Variants in HINT2 observed in about 807,000 individuals in gnomAD.
The protein encoded by HINT2 is adenosine 5'-monophosphoramidase HINT2.
In HINT2, 17 loss-of-function variants were observed where a neutral mutation model predicts 20.0. The ratio of observed to expected loss-of-function variants is 0.85; its 90% confidence interval spans 0.58 to 1.27. HINT2 has a LOEUF of 1.27. HINT2 is among the 50% of genes most tolerant of loss of function. HINT2 has a pLI of 0.00. For missense variants in HINT2, 217 were observed against 211.9 expected (o/e 1.02, Z -0.15); for synonymous variants, 96 against 84.2 (o/e 1.14, Z -0.77).
In HINT2 at chr9:35,814,786, G is replaced by C. The variant is rs1828975420; in HGVS notation, c.81+113C>G. 1.2e-5 allele frequency: 11 copies of C among 908,174 alleles called. No homozygotes were observed. In the South Asian group the frequency reaches 1.5e-4, roughly 13 times the overall value. 56.3% of individuals were successfully genotyped at this position (908,174 alleles called of 1,614,324 possible). ...GCCCCGGAGCTTGTGCCTCGGAGGGGCAGAGGCCACAGGCAGGAGCTCTGC... is the reference window on the plus strand; with the variant it reads ...GCCCCGGAGCTTGTGCCTCGGAGGGCCAGAGGCCACAGGCAGGAGCTCTGC... On this transcript the variant is annotated intron_variant, in intron 1 of 4. Transcript: ENST00000259667.
Position 35,815,001 on chromosome 9 carries a change from T to C in HINT2, c.-22A>G. ...CCATCTTCCCTGAGCCGCGGGAACC[T>C]CTCACCCGGGTCAGCACTCGGCTCC... is the stretch of plus-strand genomic sequence containing the variant. On this transcript the variant is annotated 5_prime_UTR_variant, in exon 1 of 5. Transcript: ENST00000259667. 2 of 1,439,830 alleles carry C rather than the reference T, an allele frequency of 1.4e-6. No individual in the cohort carries two copies. Among genetic ancestry groups the C allele is most frequent in the Non-Finnish European group, 1.8e-6 (2 of 1,103,022 alleles). The allele number at this position is 1,439,830 out of a possible 1,614,324, so 89.2% of individuals were successfully genotyped here. A position where few individuals can be genotyped will look rare whatever the true frequency, so the allele number is the denominator to read the frequency against.
chr9:35,815,358 A>C, upstream of HINT2: 1 of 184,454 alleles, frequency 5.4e-6, no homozygotes, highest in Non-Finnish European at 1.1e-5. Flanking sequence ...CTGATACACA[A>C]CTCTGGCTTC....
chr9:35,813,653 C>T lies in HINT2; in HGVS notation c.213G>A (p.Glu71=). 6.2e-7 allele frequency: 1 copy of T among 1,614,188 alleles called. No homozygotes were observed. Among genetic ancestry groups the T allele is most frequent in the Non-Finnish European group, 8.5e-7 (1 of 1,180,028 alleles). Residue 71 remains glutamate, a synonymous_variant, in exon 2 of 5, where the codon GAG becomes GAA. Coordinates refer to ENST00000259667, the MANE Select transcript of HINT2 (RefSeq NM_032593.3). ...DKSLPADILY[E]DQQCLVFRDV... ...CCTAAGAGCACCCCACCTGCTGGTC[C>T]TCATAGAGAATGTCAGCTGGGAGGC...
chr9:35,813,081 G>A lies in HINT2; in HGVS notation c.465C>T (p.Gly155=), dbSNP rs750795366. ...AACCTGGAGGCCACTGGAGCTGCCG[G>A]CCCCCAAGTACATGAATGTGCAGAT... The part of the protein sequence containing the change: ...VYHLHIHVLG[G]RQLQWPPG Residue 155 remains glycine (G), a synonymous_variant, in exon 5 of 5, where the codon GGC becomes GGT. Transcript: ENST00000259667. 2 of 1,614,158 alleles carry A rather than the reference G, an allele frequency of 1.2e-6. No homozygotes were observed. The highest frequency in any genetic ancestry group is 2.2e-5 in the East Asian group (1 of 44,894).
At position 35,815,016 on chromosome 9, in the gene HINT2, C is replaced by A. The variant is rs774516417; in HGVS notation, c.-37G>T. 4 of 1,385,442 alleles carry A rather than the reference C, an allele frequency of 2.9e-6. No individual in the cohort carries two copies. The East Asian group carries it at 9.3e-5, about 32-fold the overall frequency. The allele number at this position is 1,385,442 out of a possible 1,614,324, so 85.8% of individuals were successfully genotyped here. ...CGCGGGAACCTCTCACCCGGGTCAG[C>A]ACTCGGCTCCGCGGCCGGCCGTGGG... is the stretch of plus-strand genomic sequence containing the variant. On this transcript the variant is annotated 5_prime_UTR_variant, in exon 1 of 5. Transcript: ENST00000259667.
Position 35,813,342 on chromosome 9 carries a change from T to G in HINT2, c.328-4A>C, listed in dbSNP as rs1416508165. The G allele has an allele frequency of 6.2e-7, 1 of 1,613,676 alleles. No individual in the cohort carries two copies. The highest frequency in any genetic ancestry group is 1.1e-5 in the South Asian group (1 of 91,072). ...CAAGGAGTAGGTGTCCTAGAAGCTA[T>G]AGAGAGAGCGGAGGGACATAGGTGG... On this transcript the variant is annotated splice_region_variant and splice_polypyrimidine_tract_variant and intron_variant, in intron 3 of 4. Transcript: ENST00000259667.
Position 35,813,039 on chromosome 9 carries a change from A to G in HINT2, c.*15T>C. On this transcript the variant is annotated 3_prime_UTR_variant, in exon 5 of 5. Transcript: ENST00000259667. Reference sequence around the variant, plus strand: ...AAGCATCCAGAGTCTGGTGTCCTTTAATCAGTTGGCAGGTTCAACCTGGAG... The same window carrying G: ...AAGCATCCAGAGTCTGGTGTCCTTTGATCAGTTGGCAGGTTCAACCTGGAG... The G allele has an allele frequency of 6.2e-7, 1 of 1,603,380 alleles. No individual in the cohort carries two copies. Among genetic ancestry groups the G allele is most frequent in the Non-Finnish European group, 8.5e-7 (1 of 1,170,270 alleles).
Position 35,813,308 on chromosome 9 carries a change from G to C in HINT2, c.358C>G (p.Gln120Glu). 1 of 1,614,132 alleles carries C rather than the reference G, an allele frequency of 6.2e-7. No homozygotes were observed. The highest frequency in any genetic ancestry group is 8.5e-7 in the Non-Finnish European group (1 of 1,180,012). Residue 120 changes from glutamine (Q) to glutamate (E), a missense_variant, in exon 4 of 5, where the codon CAG (glutamine) becomes GAG (glutamate). Physicochemically the swap from Gln to Glu is conservative, Grantham distance 29 (BLOSUM62 2). Coordinates refer to ENST00000259667, the MANE Select transcript of HINT2 (RefSeq NM_032593.3). ...LLGHLLLVAK[Q>E]TAKAEGLGDG... ...CCCAGGCCCTCAGCCTTTGCTGTCT[G>C]CTTGGCCACAAGGAGTAGGTGTCCT...
rs1459252226 is a variant in HINT2 at position 35,814,883 on chromosome 9, C to T, written c.81+16G>A. ...AGCCCGCAGGACCCCCTACTCGCTC[C>T]CGCGCCACTTCTCACCTGCCCCCCG... On this transcript the variant is annotated intron_variant, in intron 1 of 4. Transcript: ENST00000259667. 3.4e-6 allele frequency: 5 copies of T among 1,489,248 alleles called. No homozygotes were observed. In the Admixed American group the frequency reaches 9.0e-5, roughly 27 times the overall value. 92.3% of individuals were successfully genotyped at this position (1,489,248 alleles called of 1,614,324 possible).
upstream of HINT2, chr9:35,815,092 G>T: frequency 2.0e-6 from 2 of 988,000 alleles, no homozygotes; most frequent in Non-Finnish European, 2.7e-6. Flanking sequence ...GGCGAGCCCT[G>T]CTACCCCATT....
chr9:35,813,163 G>GT lies in HINT2; in HGVS notation c.401-19dup, dbSNP rs1564001344. 6.2e-7 allele frequency: 1 copy of GT among 1,613,922 alleles called. No homozygotes were observed. Among genetic ancestry groups the GT allele is most frequent in the South Asian group, 1.1e-5 (1 of 91,084 alleles). ...GTTGATCACTGAAATTGAGCTTGGG[G>GT]TTAGGGAGTCAGGATCATGGCAGAG... On this transcript the variant is annotated intron_variant, in intron 4 of 4. Coordinates refer to ENST00000259667, the MANE Select transcript of HINT2 (RefSeq NM_032593.3).
chr9:35,814,800 C>CAGGA, intron 1 of HINT2, 99 bp downstream of exon 1: 1 of 1,066,338 alleles, frequency 9.4e-7, no homozygotes, highest in Admixed American at 3.6e-5. Flanking sequence ...AGGCCACAGG[C>CAGGA]AGGAGCTCTG....
rs762355788 is a variant in HINT2 at position 35,813,638 on chromosome 9, C to T, written c.222+6G>A. The T allele has an allele frequency of 4.3e-6, 7 of 1,613,968 alleles. No individual in the cohort carries two copies. Among genetic ancestry groups the T allele is most frequent in the South Asian group, 1.1e-5 (1 of 91,084 alleles). On this transcript the variant is annotated splice_donor_region_variant and intron_variant, in intron 2 of 4. Transcript: ENST00000259667. ...CCTAAGGGGATAGGTCCTAAGAGCA[C>T]CCCACCTGCTGGTCCTCATAGAGAA...
intron 1 of HINT2, chr9:35,814,698 T>G (rs989827340): frequency 1.9e-6 from 1 of 526,364 alleles, no homozygotes; most frequent in Non-Finnish European, 3.2e-6. Context: ...CGCCCCGGCC[T>G]GCGCAGGGCG....
In HINT2 at chr9:35,813,659, G is replaced by C. The variant is rs1258096907; in HGVS notation, c.207C>G (p.Leu69=). ...ILDKSLPADI[L]YEDQQCLVFR... ...AGCACCCCACCTGCTGGTCCTCATA[G>C]AGAATGTCAGCTGGGAGGCTCTTGT... Residue 69 remains leucine (L), a synonymous_variant, in exon 2 of 5, where the codon CTC becomes CTG. Coordinates refer to ENST00000259667, the MANE Select transcript of HINT2 (RefSeq NM_032593.3). The C allele has an allele frequency of 5.6e-6, 9 of 1,614,220 alleles. No homozygotes were observed. The highest frequency in any genetic ancestry group is 7.6e-6 in the Non-Finnish European group (9 of 1,180,038).
In HINT2 at chr9:35,814,909, C is replaced by T; in HGVS notation, c.71G>A (p.Arg24His). The change falls in exon 1 of 5, where the codon CGC (arginine) becomes CAC (histidine). Residue 24 changes from arginine to histidine, a missense_variant. Transcript: ENST00000259667. The stretch of plus-strand genomic sequence containing the variant: ...CGCGCCACTTCTCACCTGCCCCCCG[C>T]GCACCCCCGTGGCCGCCACGGCTCT... ...ARRAVAATGV[R>H]GGQVRGAAGV... is the part of the protein sequence containing the mutation. The T allele has an allele frequency of 1.3e-6, 2 of 1,487,820 alleles. No individual in the cohort carries two copies. The allele number at this position is 1,487,820 out of a possible 1,614,324, so 92.2% of individuals were successfully genotyped here.
Position 35,814,916 on chromosome 9 carries a change from C to G in HINT2, c.64G>C (p.Gly22Arg). ...CTTCTCACCTGCCCCCCGCGCACCC[C>G]CGTGGCCGCCACGGCTCTGCGCGCC... is the stretch of plus-strand genomic sequence containing the variant. ...RAARRAVAAT[G>R]VRGGQVRGAA... The change falls in exon 1 of 5, where the codon GGG (glycine) becomes CGG (arginine). Residue 22 changes from glycine (G) to arginine (R), a missense_variant. Physicochemically the swap from Gly to Arg is moderately radical, Grantham distance 125. Coordinates refer to ENST00000259667, the MANE Select transcript of HINT2 (RefSeq NM_032593.3). The G allele has an allele frequency of 6.7e-7, 1 of 1,487,510 alleles. No homozygotes were observed. Among genetic ancestry groups the G allele is most frequent in the Non-Finnish European group, 8.9e-7 (1 of 1,126,418 alleles). The allele number at this position is 1,487,510 out of a possible 1,614,324, so 92.1% of individuals were successfully genotyped here.
Position 35,813,486 on chromosome 9 carries a change from G to C in HINT2, c.286C>G (p.Pro96Ala), listed in dbSNP as rs376617682. The C allele has an allele frequency of 1.2e-6, 2 of 1,614,122 alleles. No homozygotes were observed. Among genetic ancestry groups the C allele is most frequent in the South Asian group, 2.2e-5 (2 of 91,074 alleles). Reference sequence around the variant, plus strand: ...TCAGCCTGGCTAATCCGAGGAATGGGCTTCTTAGGAATGACCAGGAAGTGC... The same window carrying C: ...TCAGCCTGGCTAATCCGAGGAATGGCCTTCTTAGGAATGACCAGGAAGTGC... ...PVHFLVIPKK[P>A]IPRISQAEEE... Residue 96 changes from proline (P) to alanine (A), a missense_variant, in exon 3 of 5, where the codon CCC (proline) becomes GCC (alanine). By Grantham distance (27) the Pro-to-Ala change is conservative. Coordinates refer to ENST00000259667, the MANE Select transcript of HINT2 (RefSeq NM_032593.3).
chr9:35,815,188 C>T (rs767574948), upstream of HINT2: 22 of 471,408 alleles, frequency 4.7e-5, no homozygotes, highest in Admixed American at 8.8e-5. Flanking sequence ...GCTGCTTCTA[C>T]CAACGCGAGG....
Sources: allele counts gnomAD v4.1 joint callset, GRCh38; gene constraint gnomAD v4.1.1; transcripts MANE v1.5; gene names NCBI Gene and HGNC (gene_info 2026-07-23, HGNC 2026-07-21).